Variants in SS18 observed in about 807,000 individuals in gnomAD.
SS18 encodes protein SSXT.
A neutral mutation model predicts 72.5 loss-of-function variants in SS18; 28 were observed. That is an observed-to-expected ratio of 0.39 (90% CI 0.29 to 0.53). The LOEUF (loss-of-function observed/expected upper bound fraction) is 0.53, where lower values mean the gene tolerates loss of function less well. Ranked by LOEUF, SS18 falls within the 20% of genes least tolerant of loss-of-function variation. The pLI, the probability that SS18 is intolerant of heterozygous loss-of-function variation, is 0.76. For synonymous variants in SS18, 172 were observed against 164.2 expected (o/e 1.05, Z -0.37); for missense variants, 518 against 535.3 (o/e 0.97, Z 0.32).
intron 3 of SS18, chr18:26,068,133 T>C (rs1454973013): frequency 1.3e-5 from 2 of 152,190 alleles, no homozygotes; most frequent in Non-Finnish European, 2.9e-5. Flanking sequence ...TATCAGTCCA[T>C]GGCCTAGGGT....
At position 26,085,168 on chromosome 18, in the gene SS18, A is replaced by T. The variant is rs893052922; in HGVS notation, c.146+2333T>A. ...TTTGAAACATTTTTGTAAGTGTGAAATTATTTCAAAACAAAAAGGCTTTTT... is the reference window on the plus strand; with the variant it reads ...TTTGAAACATTTTTGTAAGTGTGAATTTATTTCAAAACAAAAAGGCTTTTT... On this transcript the variant is annotated intron_variant, in intron 2 of 10. Transcript: ENST00000415083. Among the ~76,000 whole-genome samples, 5 of 152,180 alleles carry T rather than the reference A, an allele frequency of 3.3e-5. No individual in the cohort carries two copies. The East Asian group carries it at 9.6e-4, about 29-fold the overall frequency.
chr18:26,089,999 GTCC>G (rs1457258298), intron 1 of SS18: 3 of 161,084 alleles, frequency 1.9e-5, no homozygotes, highest in African/African-American at 7.2e-5. Context: ...CGTTCCCCAA[GTCC>G]TCCTGCGAGC....
chr18:26,074,512 CCAGA>C (rs1254885472), intron 3 of SS18, among the ~76,000 whole-genome samples: 4 of 152,022 alleles, frequency 2.6e-5, no homozygotes, highest in Admixed American at 6.6e-5. Context: ...TTCTATTAAG[CCAGA>C]CATTTAACAG....
chr18:26,018,504 A>C, intron 10 of SS18, 124 bp from the exon 11 acceptor site: 1 of 635,252 alleles, frequency 1.6e-6, no homozygotes, highest in Non-Finnish European at 2.6e-6. Flanking sequence ...ACAATAAACA[A>C]AATTTTTTTA....
chr18:26,030,915 AAAG>A (rs1376332890), intron 10 of SS18, among the ~76,000 whole-genome samples: 1 of 152,198 alleles, frequency 6.6e-6, no homozygotes, highest in African/African-American at 2.4e-5. Context: ...TATAGAAACT[AAAG>A]AAGACCATCT....
intron 10 of SS18, among the ~76,000 whole-genome samples, chr18:26,031,174 T>C (rs2053536866): frequency 6.6e-6 from 1 of 152,248 alleles, no homozygotes; most frequent in African/African-American, 2.4e-5. Flanking sequence ...CCACGACTTA[T>C]TTCACTTCTA....
chr18:26,061,296 G>A (rs1278621000), intron 3 of SS18, among the ~76,000 whole-genome samples: 1 of 152,182 alleles, frequency 6.6e-6, no homozygotes, highest in Non-Finnish European at 1.5e-5. Context: ...CTGGGCCACA[G>A]AGCGAGACTC....
intron 10 of SS18, among the ~76,000 whole-genome samples, chr18:26,026,797 A>G (rs571890497): frequency 6.6e-6 from 1 of 152,344 alleles, no homozygotes; most frequent in African/African-American, 2.4e-5. Context: ...TTTTGATAAA[A>G]TATCAATACA....
chr18:26,090,093 G>C (rs984504489), intron 1 of SS18: 14 of 190,006 alleles, frequency 7.4e-5, no homozygotes, highest in Non-Finnish European at 3.2e-5. Flanking sequence ...GGTGGGGTCC[G>C]CACGAAGCAG....
rs1490628942 is a variant in SS18 at position 26,039,436 on chromosome 18, G to A, written c.628C>T (p.Pro210Ser). 3 of 1,613,402 alleles carry A rather than the reference G, an allele frequency of 1.9e-6. No individual in the cohort carries two copies. Among genetic ancestry groups the A allele is most frequent in the Non-Finnish European group, 2.5e-6 (3 of 1,179,650 alleles). Residue 210 changes from proline (P) to serine (S), a missense_variant, in exon 6 of 11, where the codon CCT becomes TCT. Physicochemically the swap from Pro to Ser is moderately conservative, Grantham distance 74. Transcript: ENST00000415083. ...PNQGPMMHQQ[P>S]PSQQYNMPQG... The stretch of plus-strand genomic sequence containing the variant: ...GGCATATTGTATTGCTGAGAAGGAG[G>A]CTGCTGATGCATCATTGGACCTGAA...
intron 10 of SS18, among the ~76,000 whole-genome samples, chr18:26,022,311 T>A (rs2053366117): frequency 6.6e-6 from 1 of 152,160 alleles, no homozygotes; most frequent in African/African-American, 2.4e-5. Flanking sequence ...AGAGGTTACA[T>A]TCTTGGGGAA....
intron 3 of SS18, among the ~76,000 whole-genome samples, chr18:26,058,442 T>G (rs1328779176): frequency 1.3e-5 from 2 of 152,260 alleles, no homozygotes; most frequent in African/African-American, 4.8e-5. Context: ...TAGGGATATT[T>G]TGGTGGAGAA....
chr18:26,063,715 T>C (rs1352968846), intron 3 of SS18, among the ~76,000 whole-genome samples: 1 of 152,062 alleles, frequency 6.6e-6, no homozygotes, highest in Non-Finnish European at 1.5e-5. Context: ...AGTTGAAAAA[T>C]AACACTATCA....
intron 5 of SS18, 150 bp downstream of exon 5, chr18:26,052,474 T>C: frequency 1.6e-6 from 1 of 641,670 alleles, no homozygotes; most frequent in Non-Finnish European, 2.7e-6. Context: ...TTAAACTAGC[T>C]TCAAACTCAA....
In SS18 at chr18:26,038,677, G is replaced by A; in HGVS notation, c.776-18C>T. On this transcript the variant is annotated intron_variant, in intron 6 of 10. Transcript: ENST00000415083. ...TGGTGGGCCTGAAAAACCACAACCA[G>A]TCAAGATATAAATAATGTGTTCTCT... 6.3e-7 allele frequency: 1 copy of A among 1,587,654 alleles called. No individual in the cohort carries two copies. Among genetic ancestry groups the A allele is most frequent in the East Asian group, 2.2e-5 (1 of 44,722 alleles).
At position 26,017,437 on chromosome 18, in the gene SS18, G is replaced by A. The variant is rs1159471612; in HGVS notation, c.*917C>T. The A allele has an allele frequency of 5.2e-6, 1 of 192,408 alleles. No homozygotes were observed. The highest frequency in any genetic ancestry group is 2.3e-5 in the African/African-American group (1 of 43,140). 11.9% of individuals were successfully genotyped at this position (192,408 alleles called of 1,614,324 possible). On this transcript the variant is annotated 3_prime_UTR_variant, in exon 11 of 11. Coordinates refer to ENST00000415083, the MANE Select transcript of SS18 (RefSeq NM_001007559.3). ...TCTTCTTTGATATCATTTATAAAAT[G>A]CTTTGATATTACTTACTAAGTTCCC... is the stretch of plus-strand genomic sequence containing the variant.
At chr18:26,047,166 A>T in intron 5 of SS18, among the ~76,000 whole-genome samples, 1 of 151,610 alleles carries the variant, frequency 6.6e-6, no homozygotes. Flanking sequence ...TAAAGAAGAC[A>T]TGCAAAGGAT....
upstream of SS18, chr18:26,090,677 G>A (rs1187268593): frequency 7.5e-6 from 9 of 1,193,762 alleles, no homozygotes; most frequent in East Asian, 1.8e-4. Flanking sequence ...ATGCGGGGAG[G>A]GGGGATGCTC....
intron 3 of SS18, among the ~76,000 whole-genome samples, chr18:26,066,859 T>G (rs1216168820): frequency 6.6e-6 from 1 of 152,214 alleles, no homozygotes; most frequent in African/African-American, 2.4e-5. Flanking sequence ...ATACTGCCTT[T>G]GTGGAACTTT....
Sources: allele counts gnomAD v4.1 joint callset (sites outside exome capture counted in the v4.1 genomes callset), GRCh38; gene constraint gnomAD v4.1.1; transcripts MANE v1.5; gene names NCBI Gene and HGNC (gene_info 2026-07-23, HGNC 2026-07-21).